FKBP15: variants seen among roughly 807,000 people sequenced by gnomAD.
FKBP15 encodes the protein FK506-binding protein 15.
A neutral mutation model predicts 158.1 loss-of-function variants in FKBP15; 106 were observed. The observed-to-expected ratio is 0.67, with a 90% CI of 0.57 to 0.79. The LOEUF (loss-of-function observed/expected upper bound fraction) is 0.79, where lower values mean the gene tolerates loss of function less well. FKBP15 is among the 30% of genes least tolerant of loss of function. The probability of loss-of-function intolerance (pLI) is 0.00; values close to 1 mark genes in which losing one functional copy is unlikely to be tolerated. For synonymous variants in FKBP15, 547 were observed against 548.6 expected (o/e 1.00, Z 0.04); for missense variants, 1,287 against 1,479.1 (o/e 0.87, Z 2.13).
intron 4 of FKBP15, among the ~76,000 whole-genome samples, chr9:113,204,576 A>T (rs993710927): frequency 2.6e-5 from 4 of 152,238 alleles, no homozygotes; most frequent in Non-Finnish European, 5.9e-5. Flanking sequence ...TACTTTAAAG[A>T]TATAATTCTA....
At chr9:113,217,930 G>A (rs1438690304) in intron 1 of FKBP15, among the ~76,000 whole-genome samples, 1 of 151,566 alleles carries the variant, frequency 6.6e-6, no homozygotes, top group East Asian at 1.9e-4. Flanking sequence ...TCCCTATGTT[G>A]GCAAGAATGA....
chr9:113,171,289 G>C (rs976512026), intron 24 of FKBP15, among the ~76,000 whole-genome samples: 2 of 152,140 alleles, frequency 1.3e-5, no homozygotes, highest in Non-Finnish European at 2.9e-5. Context: ...AGCTGGGTGT[G>C]GTGGCGCGTG....
intron 22 of FKBP15, 59 bp downstream of exon 22, chr9:113,174,369 T>C (rs1014489175): frequency 1.6e-5 from 25 of 1,554,170 alleles, no homozygotes; most frequent in Non-Finnish European, 2.1e-5. Flanking sequence ...CCAGAAGCTT[T>C]TCTCTCTGAG....
chr9:113,186,738 A>G (rs191289414), intron 14 of FKBP15: 14 of 161,244 alleles, frequency 8.7e-5, no homozygotes, highest in African/African-American at 3.3e-4. Flanking sequence ...GTGCTCACTG[A>G]GATTCCAAAC....
Position 113,211,458 on chromosome 9 carries a change from T to G in FKBP15, c.169+19A>C. On this transcript the variant is annotated intron_variant, in intron 2 of 27. Transcript: ENST00000238256. Reference sequence around the variant, plus strand: ...ACAGGCATTAGCCACCTCGCTCGGCTAATACACTCTTAACTTACCTGTTGC... The same window carrying G: ...ACAGGCATTAGCCACCTCGCTCGGCGAATACACTCTTAACTTACCTGTTGC... 6.3e-7 allele frequency: 1 copy of G among 1,587,512 alleles called. No homozygotes were observed. The highest frequency in any genetic ancestry group is 1.1e-5 in the South Asian group (1 of 87,396).
intron 27 of FKBP15, among the ~76,000 whole-genome samples, chr9:113,166,725 A>G (rs1830105083): frequency 6.6e-6 from 1 of 152,100 alleles, no homozygotes; most frequent in Non-Finnish European, 1.5e-5. Context: ...AGCCTCCCAC[A>G]CCTCTAGCCT....
At chr9:113,170,773 G>C (rs1830194249) in intron 24 of FKBP15, 144 bp from the exon 25 acceptor site, 1 of 685,586 alleles carries the variant, frequency 1.5e-6, no homozygotes, top group Admixed American at 2.6e-5. Flanking sequence ...AGACACTGAA[G>C]GCTGTCACTG....
At position 113,198,402 on chromosome 9, in the gene FKBP15, T is replaced by G. The variant is rs570982703; in HGVS notation, c.717+453A>C. On this transcript the variant is annotated intron_variant, in intron 8 of 27. Transcript: ENST00000238256. The surrounding 1 kb of genome is among the most constrained non-coding windows in gnomAD (Gnocchi z 5.2). Reference sequence around the variant, plus strand: ...AATCTCCCAAATGCAATGTAACACATTTTCCCCTCGTATTCTTCATCCAGG... The same window carrying G: ...AATCTCCCAAATGCAATGTAACACAGTTTCCCCTCGTATTCTTCATCCAGG... 6.6e-6 allele frequency among the ~76,000 whole-genome samples: 1 copy of G among 152,316 alleles called. No individual in the cohort carries two copies. The highest frequency in any genetic ancestry group is 1.9e-4 in the East Asian group (1 of 5,188).
Position 113,173,551 on chromosome 9 carries a change from A to G in FKBP15, c.2434T>C (p.Leu812=), listed in dbSNP as rs762782475. 1.2e-6 allele frequency: 2 copies of G among 1,613,776 alleles called. No homozygotes were observed. The highest frequency in any genetic ancestry group is 1.3e-5 in the African/African-American group (1 of 74,884). ...QTQWEAKCEH[L]LASAKDEHLQ... ...TGCTCATCCTTGGCGGAGGCCAACAAATGTTCACATTTTGCTTCCCACTGG... is the reference window on the plus strand; with the variant it reads ...TGCTCATCCTTGGCGGAGGCCAACAGATGTTCACATTTTGCTTCCCACTGG... The change falls in exon 23 of 28, where the codon TTG becomes CTG. Residue 812 remains leucine, a synonymous_variant. Coordinates refer to ENST00000238256, the MANE Select transcript of FKBP15 (RefSeq NM_015258.2).
chr9:113,185,106 G>T (rs144691889), intron 15 of FKBP15, among the ~76,000 whole-genome samples: 1 of 152,170 alleles, frequency 6.6e-6, no homozygotes, highest in Admixed American at 6.5e-5. Flanking sequence ...TTACTTTCCC[G>T]TTCATCCAAC....
In FKBP15 at chr9:113,162,816, A is replaced by G; in HGVS notation, c.*3262T>C. 1.2e-6 allele frequency: 2 copies of G among 1,613,822 alleles called. No homozygotes were observed. Among genetic ancestry groups the G allele is most frequent in the Non-Finnish European group, 1.7e-6 (2 of 1,179,822 alleles). ...CCAGGTGGTCATCGGCTACTTCATC[A>G]TGCTGGCCGTAATGTCCTACAACAC... is the stretch of plus-strand genomic sequence containing the variant. On this transcript the variant is annotated 3_prime_UTR_variant, in exon 28 of 28. Transcript: ENST00000238256.
At chr9:113,210,529 C>A (rs1167315037) in intron 2 of FKBP15, among the ~76,000 whole-genome samples, 1 of 152,170 alleles carries the variant, frequency 6.6e-6, no homozygotes, top group African/African-American at 2.4e-5. Context: ...GACAGGGTTT[C>A]ACCATGTTGG....
At chr9:113,200,047 T>G (rs934525124) in intron 6 of FKBP15, 84 bp from the exon 7 acceptor site, 3 of 1,387,204 alleles carry the variant, frequency 2.2e-6, no homozygotes, top group Non-Finnish European at 2.9e-6. Context: ...CTTTCTCAAA[T>G]AGCTTCATCC....
intron 11 of FKBP15, among the ~76,000 whole-genome samples, chr9:113,191,682 A>G (rs1830578612): frequency 6.7e-6 from 1 of 149,166 alleles, no homozygotes; most frequent in Non-Finnish European, 1.5e-5. Context: ...TGGAAAAGGC[A>G]AGGTGCATTA....
intron 15 of FKBP15, 37 bp downstream of exon 15, chr9:113,186,212 G>C (rs1376163148): frequency 1.4e-6 from 2 of 1,413,794 alleles, no homozygotes; most frequent in Non-Finnish European, 2.0e-6. Flanking sequence ...AGCACAGCAA[G>C]AGCGGAAGAT....
chr9:113,218,266 C>A (rs1224464197), intron 1 of FKBP15, among the ~76,000 whole-genome samples: 2 of 151,726 alleles, frequency 1.3e-5, no homozygotes, highest in African/African-American at 2.4e-5. Flanking sequence ...CAGATCCAGG[C>A]TCTATTACTT....
chr9:113,191,999 G>A (rs1263231571), intron 11 of FKBP15, among the ~76,000 whole-genome samples: 2 of 150,916 alleles, frequency 1.3e-5, no homozygotes, highest in Non-Finnish European at 2.9e-5. Flanking sequence ...TTCATGTAAC[G>A]TGAATTTTGC....
intron 27 of FKBP15, among the ~76,000 whole-genome samples, chr9:113,167,517 T>C (rs552387558): frequency 6.6e-6 from 1 of 152,216 alleles, no homozygotes; most frequent in Middle Eastern, 3.4e-3. Context: ...AAGGAACTGG[T>C]ACATTCCCCA....
chr9:113,218,294 G>A (rs1416707569), intron 1 of FKBP15, among the ~76,000 whole-genome samples: 1 of 150,762 alleles, frequency 6.6e-6, no homozygotes, highest in Admixed American at 6.6e-5. Context: ...GCATGATCTT[G>A]GGCAATTTAC....
Sources: gnomAD v4.1 joint callset for allele counts (sites outside exome capture counted in the v4.1 genomes callset) on GRCh38, gnomAD v4.1.1 for gene constraint, Gnocchi (gnomAD v3.1) non-coding constraint, MANE v1.5 for transcripts, NCBI Gene and HGNC (gene_info 2026-07-23, HGNC 2026-07-21) for gene names.